Variants in CNTN6 observed in about 807,000 individuals in gnomAD.
CNTN6 encodes the protein contactin 6.
In CNTN6, 137 loss-of-function variants were observed where a neutral mutation model predicts 122.8. That is an observed-to-expected ratio of 1.12 (90% CI 0.97 to 1.29). The LOEUF is 1.29. Ranked by LOEUF, CNTN6 falls within the 50% of genes most tolerant of loss-of-function variation. The probability of loss-of-function intolerance (pLI) is 0.00; values close to 1 mark genes in which losing one functional copy is unlikely to be tolerated. For synonymous variants in CNTN6, 570 were observed against 426.0 expected, an observed-to-expected ratio of 1.34 and a Z score of -4.16; for missense variants, 1,634 against 1,223.4, an observed-to-expected ratio of 1.34 and a Z score of -5.01.
At chr3:1,252,804 C>G (rs2094691857) in intron 4 of CNTN6, among the ~76,000 whole-genome samples, 1 of 152,098 alleles carries the variant, frequency 6.6e-6, no homozygotes, top group Non-Finnish European at 1.5e-5. Flanking sequence ...CCAATATGAC[C>G]TAGAGAAACA....
intron 4 of CNTN6, among the ~76,000 whole-genome samples, chr3:1,256,661 A>G (rs2094764172): frequency 6.6e-6 from 1 of 152,146 alleles, no homozygotes; most frequent in Non-Finnish European, 1.5e-5. Flanking sequence ...AATCAAGAAG[A>G]AAAGAAGACA....
At chr3:1,141,049 A>G (rs1559385479) in intron 1 of CNTN6, among the ~76,000 whole-genome samples, 1 of 152,184 alleles carries the variant, frequency 6.6e-6, no homozygotes, top group Non-Finnish European at 1.5e-5. Flanking sequence ...CAAATAGTTC[A>G]CTTTTTAATT....
chr3:1,291,942 A>G (rs1420728061), intron 5 of CNTN6, among the ~76,000 whole-genome samples: 1 of 152,216 alleles, frequency 6.6e-6, no homozygotes, highest in Non-Finnish European at 1.5e-5. Flanking sequence ...ATCCAAAAGT[A>G]TAGACTCTTA....
At chr3:1,355,793 G>T (rs2126086592) in intron 12 of CNTN6, among the ~76,000 whole-genome samples, 1 of 151,864 alleles carries the variant, frequency 6.6e-6, no homozygotes, top group East Asian at 1.9e-4. Context: ...TGTCATGCAA[G>T]AAATGTTGTT....
chr3:1,395,111 C>T (rs1339076209), intron 20 of CNTN6, among the ~76,000 whole-genome samples: 1 of 152,002 alleles, frequency 6.6e-6, no homozygotes, highest in Non-Finnish European at 1.5e-5. Context: ...TAAAAATAGC[C>T]AACAAGCACC....
chr3:1,357,533 G>T (rs1395617840), intron 12 of CNTN6, among the ~76,000 whole-genome samples: 1 of 151,950 alleles, frequency 6.6e-6, no homozygotes, highest in East Asian at 1.9e-4. Flanking sequence ...TTTTATACAA[G>T]GGAGATTGAG....
In CNTN6 at chr3:1,303,644, T is replaced by A. The variant is rs574662856; in HGVS notation, c.761+5653T>A. ...TGCTAATTCTATCATCTCAGTTATTTGTGGGTCTGTTTCTATTGGCTGCTT... is the reference window on the plus strand; with the variant it reads ...TGCTAATTCTATCATCTCAGTTATTAGTGGGTCTGTTTCTATTGGCTGCTT... On this transcript the variant is annotated intron_variant, in intron 7 of 22. Transcript: ENST00000446702. 1.6e-4 allele frequency among the ~76,000 whole-genome samples: 24 copies of A among 152,288 alleles called. No homozygotes were observed. The South Asian group carries it at 4.6e-3, about 29-fold the overall frequency.
chr3:1,388,378 A>G (rs7616438), intron 20 of CNTN6, among the ~76,000 whole-genome samples: 2 of 146,232 alleles, frequency 1.4e-5, no homozygotes, highest in African/African-American at 4.9e-5. Flanking sequence ...AAACTAACAA[A>G]CAGAAAGGAC....
intron 4 of CNTN6, among the ~76,000 whole-genome samples, chr3:1,252,233 T>A (rs1168281597): frequency 6.6e-6 from 1 of 152,214 alleles, no homozygotes; most frequent in Non-Finnish European, 1.5e-5. Flanking sequence ...TATCTCTTCC[T>A]ACATCCAACT....
At chr3:1,289,588 C>T (rs546611317) in intron 5 of CNTN6, among the ~76,000 whole-genome samples, 2 of 152,226 alleles carry the variant, frequency 1.3e-5, no homozygotes, top group East Asian at 3.9e-4. Context: ...CAAGGTGGTC[C>T]ACCATTCAAA....
chr3:1,386,116 G>C (rs947745865), intron 20 of CNTN6, among the ~76,000 whole-genome samples: 1 of 152,120 alleles, frequency 6.6e-6, no homozygotes, highest in African/African-American at 2.4e-5. Flanking sequence ...TGGAACGTTA[G>C]GTGGTATTTA....
At chr3:1,242,686 A>T (rs2094502380) in intron 4 of CNTN6, among the ~76,000 whole-genome samples, 1 of 152,080 alleles carries the variant, frequency 6.6e-6, no homozygotes, top group Non-Finnish European at 1.5e-5. Flanking sequence ...GACGCGAAGG[A>T]GGCTTTGGGT....
chr3:1,263,200 A>G, intron 4 of CNTN6, among the ~76,000 whole-genome samples: 1 of 152,304 alleles, frequency 6.6e-6, no homozygotes, highest in Middle Eastern at 3.4e-3. Context: ...AAAAAAATGA[A>G]AAGTACCATT....
In CNTN6 at chr3:1,327,579, A is replaced by T. The variant is rs1351383725; in HGVS notation, c.1206A>T (p.Arg402Ser). 4.3e-6 allele frequency: 7 copies of T among 1,609,528 alleles called. No homozygotes were observed. Among genetic ancestry groups the T allele is most frequent in the Non-Finnish European group, 5.1e-6 (6 of 1,177,538 alleles). The change falls in exon 10 of 23, where the codon AGA becomes AGT. Residue 402 changes from arginine (R) to serine (S), a missense_variant. Transcript: ENST00000446702. ...TAATTTATGCAAATGCTGAATTGAG[A>T]GTTTTAGGTAAGTCGTTTATTTACA... is the stretch of plus-strand genomic sequence containing the variant. ...YQIIYANAEL[R>S]VLASAPDFSK...
At chr3:1,335,183 C>G (rs545206986) in intron 11 of CNTN6, among the ~76,000 whole-genome samples, 31 of 152,266 alleles carry the variant, frequency 2.0e-4, no homozygotes, top group African/African-American at 7.2e-4. Flanking sequence ...TGGTACTTGT[C>G]TCTCTGATGA....
chr3:1,225,143 T>C (rs930448350), intron 3 of CNTN6, among the ~76,000 whole-genome samples: 3 of 152,230 alleles, frequency 2.0e-5, no homozygotes, highest in African/African-American at 7.2e-5. Flanking sequence ...TTATGTTTTC[T>C]GGAACTAATA....
chr3:1,141,387 G>T (rs920014710), intron 1 of CNTN6, among the ~76,000 whole-genome samples: 1 of 152,158 alleles, frequency 6.6e-6, no homozygotes, highest in South Asian at 2.1e-4. Flanking sequence ...AACGAAGCCC[G>T]TGAGGAGTCA....
chr3:1,380,015 G>C (rs1234232795), intron 17 of CNTN6, among the ~76,000 whole-genome samples: 2 of 152,294 alleles, frequency 1.3e-5, no homozygotes, highest in East Asian at 3.9e-4. Flanking sequence ...GTAGAGGACA[G>C]AATGGTCTTA....
At chr3:1,315,333 T>G (rs995098908) in intron 7 of CNTN6, among the ~76,000 whole-genome samples, 1 of 151,972 alleles carries the variant, frequency 6.6e-6, no homozygotes, top group Non-Finnish European at 1.5e-5. Context: ...GAAGCCACAG[T>G]AGGAGAAACA....
Sources: allele counts gnomAD v4.1 joint callset (sites outside exome capture counted in the v4.1 genomes callset), GRCh38; gene constraint gnomAD v4.1.1; transcripts MANE v1.5; gene names NCBI Gene and HGNC (gene_info 2026-07-23, HGNC 2026-07-21).